The following FIP1L1 variants were observed in gnomAD, a reference collection of about 807,000 sequenced individuals.
The protein encoded by FIP1L1 is factor interacting with PAPOLA and CPSF1.
Under a neutral mutation model 84.6 loss-of-function variants are expected in FIP1L1, and 21 were observed. The ratio of observed to expected loss-of-function variants is 0.25; its 90% CI spans 0.18 to 0.36. The LOEUF (loss-of-function observed/expected upper bound fraction) is 0.36. Among genes scored for constraint, FIP1L1 ranks in the 10% least tolerant of loss-of-function variants. The pLI is 1.00. For missense variants in FIP1L1, 526 were observed against 751.1 expected, an observed-to-expected ratio of 0.70 and a Z score of 3.50; for synonymous variants, 263 against 242.3, an observed-to-expected ratio of 1.09 and a Z score of -0.80.
At chr4:53,458,860 G>A (rs998206812) in intron 17 of FIP1L1, 70 bp downstream of exon 17, 8 of 1,520,376 alleles carry the variant, frequency 5.3e-6, no homozygotes, top group African/African-American at 1.4e-5. Context: ...TGTCGCATTG[G>A]AAGAGGGGAA....
chr4:53,390,859 C>A lies in FIP1L1; in HGVS notation c.506-150C>A, dbSNP rs113733465. 1,932 of 732,840 alleles carry A rather than the reference C, an allele frequency of 2.6e-3. 32 individuals carry two copies. The African/African-American group carries it at 0.031, about 12-fold the overall frequency. The allele number at this position is 732,840 out of a possible 1,614,324, so 45.4% of individuals were successfully genotyped here. A position where few individuals can be genotyped will look rare whatever the true frequency, so the allele number is the denominator to read the frequency against. ...GCGTTTGTAAAGGGAATAATTTGAT[C>A]AAAAATGATATAGTCTTTTTGCCAC... On this transcript the variant is annotated intron_variant, in intron 7 of 17. Transcript: ENST00000337488.
rs190841523 is a variant in FIP1L1, at chr4:53,454,655, A to G, written c.1499+1522A>G. On this transcript the variant is annotated intron_variant, in intron 16 of 17. Transcript: ENST00000337488. ...GATAGAGCACAGGCAGAGTCGATTTACCATAATTCTAAGTCGATTTACCAT... is the reference window on the plus strand; with the variant it reads ...GATAGAGCACAGGCAGAGTCGATTTGCCATAATTCTAAGTCGATTTACCAT... Among the ~76,000 whole-genome samples, 21 of 152,258 alleles carry G rather than the reference A, an allele frequency of 1.4e-4. No individual in the cohort carries two copies. The East Asian group carries it at 4.1e-3, about 29-fold the overall frequency.
chr4:53,437,604 C>T (rs1211057551), intron 13 of FIP1L1, among the ~76,000 whole-genome samples: 2 of 152,038 alleles, frequency 1.3e-5, no homozygotes, highest in East Asian at 3.9e-4. Flanking sequence ...GGTCCCACCC[C>T]AGACTTACTG....
chr4:53,402,399 CAAAG>C (rs1033031232), intron 10 of FIP1L1, among the ~76,000 whole-genome samples: 4 of 151,356 alleles, frequency 2.6e-5, no homozygotes, highest in Non-Finnish European at 5.9e-5. Flanking sequence ...TTTTTCAAAA[CAAAG>C]AAAAAAACAG....
chr4:53,393,885 G>A (rs1745838896), intron 9 of FIP1L1, among the ~76,000 whole-genome samples: 1 of 149,544 alleles, frequency 6.7e-6, no homozygotes, highest in South Asian at 2.1e-4. Flanking sequence ...TCTCGATTTG[G>A]AAGCACATAT....
chr4:53,428,039 A>G lies in FIP1L1; in HGVS notation c.1030A>G (p.Arg344Gly). ...ENSNIQVLSERSATEVDNNFS... is the reference protein window; with the variant it reads ...ENSNIQVLSEGSATEVDNNFS... ...GCTCTAATTTTAGGTCCTTTCTGAA[A>G]GATCTGCTACTGAAGTAGACAACAA... The change falls in exon 13 of 18, where the codon AGA becomes GGA. Residue 344 changes from arginine (R) to glycine (G), a missense_variant. Around this residue, in one of 6 missense-constraint regions of FIP1L1, gnomAD observed 80 missense variants for 151.1 expected, o/e 0.53. Transcript: ENST00000337488. 2 of 1,603,902 alleles carry G rather than the reference A, an allele frequency of 1.2e-6. No individual in the cohort carries two copies. Among genetic ancestry groups the G allele is most frequent in the Non-Finnish European group, 1.7e-6 (2 of 1,173,204 alleles).
chr4:53,443,914 A>G (rs1345569870), intron 14 of FIP1L1, 134 bp from the exon 15 acceptor site: 6 of 528,648 alleles, frequency 1.1e-5, no homozygotes, highest in Admixed American at 6.7e-5. Flanking sequence ...TAATAAAATT[A>G]TAGAACTAAA....
In FIP1L1 at chr4:53,414,729, C is replaced by G. The variant is rs1185445801; in HGVS notation, c.923+7C>G. 6.3e-7 allele frequency: 1 copy of G among 1,580,234 alleles called. No homozygotes were observed. Among genetic ancestry groups the G allele is most frequent in the Non-Finnish European group, 8.7e-7 (1 of 1,150,452 alleles). On this transcript the variant is annotated splice_region_variant and intron_variant, in intron 11 of 17. Coordinates refer to ENST00000337488, the MANE Select transcript of FIP1L1 (RefSeq NM_030917.4). ...CCGAATCACCTGATCTAAGGTAAGG[C>G]TATTTTTAAACATTGGATACTCCCT...
chr4:53,420,695 T>C (rs1169273875), intron 11 of FIP1L1, among the ~76,000 whole-genome samples: 1 of 152,140 alleles, frequency 6.6e-6, no homozygotes, highest in African/African-American at 2.4e-5. Context: ...ATTCTTGTGC[T>C]TGTGGAAGTA....
chr4:53,409,992 A>C (rs1553915521), intron 10 of FIP1L1, among the ~76,000 whole-genome samples: 2 of 152,138 alleles, frequency 1.3e-5, no homozygotes, highest in Non-Finnish European at 2.9e-5. Flanking sequence ...GGTGCGCTGC[A>C]CCCACTGTCC....
intron 16 of FIP1L1, among the ~76,000 whole-genome samples, chr4:53,455,807 A>G (rs1718600677): frequency 6.6e-6 from 1 of 152,094 alleles, no homozygotes; most frequent in African/African-American, 2.4e-5. Flanking sequence ...ACTTTACCAA[A>G]AAAAAATGCA....
chr4:53,437,703 A>G (rs1044774518), intron 13 of FIP1L1, among the ~76,000 whole-genome samples: 3 of 150,938 alleles, frequency 2.0e-5, no homozygotes, highest in African/African-American at 7.3e-5. Flanking sequence ...GGTAGTTTTT[A>G]TTTATTTATT....
rs1720811286 is a variant in FIP1L1, at chr4:53,458,743, A to G, written c.1590A>G (p.Glu530=). 1 of 1,613,050 alleles carries G rather than the reference A, an allele frequency of 6.2e-7. No individual in the cohort carries two copies. Among genetic ancestry groups the G allele is most frequent in the Admixed American group, 1.7e-5 (1 of 59,882 alleles). Residue 530 remains glutamate (E), a synonymous_variant, in exon 17 of 18, where the codon GAA becomes GAG. Coordinates refer to ENST00000337488, the MANE Select transcript of FIP1L1 (RefSeq NM_030917.4). ...ASREKEERHR[E]RRHREKEETR... ...GAGAAAAAGAAGAACGACATAGAGA[A>G]AGACGACACAGGGAGAAAGAGGAAA...
At chr4:53,449,100 T>C (rs532184850) in intron 15 of FIP1L1, among the ~76,000 whole-genome samples, 1 of 152,214 alleles carries the variant, frequency 6.6e-6, no homozygotes, top group South Asian at 2.1e-4. Context: ...TGTCCCTTTT[T>C]TTGTTTTGTT....
Position 53,428,181 on chromosome 4 carries a change from C to A in FIP1L1, c.1172C>A (p.Pro391Gln). 1 of 1,565,824 alleles carries A rather than the reference C, an allele frequency of 6.4e-7. No homozygotes were observed. Among genetic ancestry groups the A allele is most frequent in the Non-Finnish European group, 8.7e-7 (1 of 1,151,980 alleles). Residue 391 changes from proline to glutamine, a missense_variant and splice_region_variant, in exon 13 of 18, where the codon CCG (proline) becomes CAG (glutamine). Transcript: ENST00000337488. ...VSTAPPLIPPPGFPPPPGAPP... is the reference protein window; with the variant it reads ...VSTAPPLIPPQGFPPPPGAPP... Reference sequence around the variant, plus strand: ...ACTGCTCCACCTCTGATTCCACCACCGGGTAAATAGTAAATAAGACATTTG... The same window carrying A: ...ACTGCTCCACCTCTGATTCCACCACAGGGTAAATAGTAAATAAGACATTTG...
chr4:53,388,089 T>G (rs1331257636), intron 5 of FIP1L1, among the ~76,000 whole-genome samples: 1 of 152,208 alleles, frequency 6.6e-6, no homozygotes, highest in Non-Finnish European at 1.5e-5. Context: ...TTTGATACAA[T>G]TAAACATTTT....
chr4:53,403,262 GTAC>G (rs1356992531), intron 10 of FIP1L1, among the ~76,000 whole-genome samples: 1 of 152,126 alleles, frequency 6.6e-6, no homozygotes, highest in African/African-American at 2.4e-5. Flanking sequence ...AAACTGTACA[GTAC>G]TACTTTCTTA....
intron 15 of FIP1L1, among the ~76,000 whole-genome samples, chr4:53,447,203 A>G (rs1051805065): frequency 1.3e-5 from 2 of 152,076 alleles, no homozygotes; most frequent in African/African-American, 2.4e-5. Flanking sequence ...TATATAACTT[A>G]CATACCATCT....
chr4:53,404,582 G>A (rs984472893), intron 10 of FIP1L1, among the ~76,000 whole-genome samples: 4 of 151,194 alleles, frequency 2.6e-5, no homozygotes, highest in Admixed American at 6.6e-5. Flanking sequence ...CTGAGGAATC[G>A]CCACACTGAC....
Sources: allele counts gnomAD v4.1 joint callset (sites outside exome capture counted in the v4.1 genomes callset), GRCh38; gene constraint gnomAD v4.1.1; regional missense constraint gnomAD v4.1.1; transcripts MANE v1.5; gene names NCBI Gene and HGNC (gene_info 2026-07-23, HGNC 2026-07-21).